The following MAP4K5 variants were observed in gnomAD, a reference collection of about 807,000 sequenced individuals.
The protein encoded by MAP4K5 is mitogen-activated protein kinase kinase kinase kinase 5, also known as MAPK/ERK kinase kinase kinase 5.
In MAP4K5, 82 loss-of-function variants were observed where a neutral mutation model predicts 135.6. That is an observed-to-expected ratio of 0.60 (90% confidence interval 0.51 to 0.73). The LOEUF (loss-of-function observed/expected upper bound fraction) is 0.73. Ranked by LOEUF, MAP4K5 falls within the 30% of genes least tolerant of loss-of-function variation. MAP4K5 has a pLI of 0.00. For missense variants in MAP4K5, 907 were observed against 1,010.9 expected (o/e 0.90, Z 1.39); for synonymous variants, 347 against 335.0 (o/e 1.04, Z -0.39).
chr14:50,529,312 G>A (rs879590082), intron 2 of MAP4K5, among the ~76,000 whole-genome samples: 6 of 152,094 alleles, frequency 3.9e-5, no homozygotes, highest in African/African-American at 7.2e-5. Flanking sequence ...ACTTCAGCCC[G>A]GGAGGTTGAG....
At chr14:50,437,234 G>A (rs1321759535) in intron 26 of MAP4K5, among the ~76,000 whole-genome samples, 1 of 152,118 alleles carries the variant, frequency 6.6e-6, no homozygotes, top group Non-Finnish European at 1.5e-5. Context: ...TACAGCCTCA[G>A]GGACTATGGT....
chr14:50,451,942 C>T (rs989861586), intron 14 of MAP4K5, among the ~76,000 whole-genome samples: 3 of 152,102 alleles, frequency 2.0e-5, no homozygotes, highest in Non-Finnish European at 4.4e-5. Context: ...AGTTTTCTGA[C>T]TTTCTCGTGG....
At chr14:50,510,225 T>G (rs967903074) in intron 2 of MAP4K5, among the ~76,000 whole-genome samples, 1 of 152,212 alleles carries the variant, frequency 6.6e-6, no homozygotes, top group African/African-American at 2.4e-5. Flanking sequence ...TCTAATATGC[T>G]TCTCTGAGAG....
At chr14:50,560,650 G>A (rs969686144) in intron 1 of MAP4K5, 5 of 343,374 alleles carry the variant, frequency 1.5e-5, no homozygotes, top group African/African-American at 1.1e-4. Flanking sequence ...GAAGGCTATG[G>A]GGGTGGGCAG....
chr14:50,462,997 A>G (rs950192190), intron 12 of MAP4K5, among the ~76,000 whole-genome samples: 1 of 152,198 alleles, frequency 6.6e-6, no homozygotes, highest in African/African-American at 2.4e-5. Flanking sequence ...TTTAGAAAGC[A>G]ATTTCTTTTT....
intron 2 of MAP4K5, among the ~76,000 whole-genome samples, chr14:50,516,614 A>T (rs946953651): frequency 4.6e-5 from 7 of 152,234 alleles, no homozygotes; most frequent in African/African-American, 1.7e-4. Context: ...CTGGAATCTC[A>T]GTTTGCAGGA....
intron 2 of MAP4K5, among the ~76,000 whole-genome samples, chr14:50,507,787 A>G (rs951029245): frequency 6.6e-6 from 1 of 152,172 alleles, no homozygotes; most frequent in Admixed American, 6.5e-5. Context: ...CAGTTTTGGA[A>G]TAAGTGCGAT....
At chr14:50,424,123 C>T (rs561692719) in intron 31 of MAP4K5, among the ~76,000 whole-genome samples, 5 of 149,670 alleles carry the variant, frequency 3.3e-5, no homozygotes, top group Non-Finnish European at 7.4e-5. Flanking sequence ...TTAGGGTCTA[C>T]TTTTAGAGGA....
At chr14:50,549,307 G>C (rs1157911123) in intron 1 of MAP4K5, among the ~76,000 whole-genome samples, 1 of 152,112 alleles carries the variant, frequency 6.6e-6, no homozygotes, top group Admixed American at 6.5e-5. Flanking sequence ...GCAGCCACAG[G>C]GTGGGCCACA....
intron 3 of MAP4K5, among the ~76,000 whole-genome samples, chr14:50,497,529 C>G (rs1008065058): frequency 5.3e-5 from 8 of 152,192 alleles, no homozygotes; most frequent in Non-Finnish European, 1.2e-4. Context: ...TTTGGCCAAA[C>G]AGCCTACCCT....
intron 2 of MAP4K5, among the ~76,000 whole-genome samples, chr14:50,505,993 G>A (rs1289144871): frequency 1.3e-5 from 2 of 152,134 alleles, no homozygotes; most frequent in East Asian, 3.8e-4. Context: ...GTTAATGTGA[G>A]TGCTCATTTT....
At chr14:50,427,249 G>C (rs1252177651) in intron 30 of MAP4K5, among the ~76,000 whole-genome samples, 1 of 152,172 alleles carries the variant, frequency 6.6e-6, no homozygotes, top group East Asian at 1.9e-4. Context: ...TTCAATGAAA[G>C]TGAAGAGGAA....
chr14:50,537,147 CA>C (rs2038503804), upstream of MAP4K5, among the ~76,000 whole-genome samples: 1 of 152,186 alleles, frequency 6.6e-6, no homozygotes, highest in South Asian at 2.1e-4. Context: ...GTGCTGTGTG[CA>C]GCCTAGAGAC....
chr14:50,443,876 T>G (rs958072133), intron 19 of MAP4K5, 63 bp downstream of exon 19: 1 of 1,465,538 alleles, frequency 6.8e-7, no homozygotes, highest in Non-Finnish European at 9.4e-7. Context: ...AAACAGACTA[T>G]GCCCCTTGCA....
intron 14 of MAP4K5, among the ~76,000 whole-genome samples, chr14:50,454,549 A>G (rs764841280): frequency 1.1e-4 from 17 of 152,108 alleles, no homozygotes; most frequent in Non-Finnish European, 1.8e-4. Flanking sequence ...TGATAAATAC[A>G]AAAGAAGTTT....
At chr14:50,479,628 T>A (rs2037192811) in intron 6 of MAP4K5, among the ~76,000 whole-genome samples, 1 of 152,182 alleles carries the variant, frequency 6.6e-6, no homozygotes, top group South Asian at 2.1e-4. Flanking sequence ...ATAACTGTTT[T>A]AATGTTTTTG....
Position 50,448,832 on chromosome 14 carries a change from A to G in MAP4K5, c.1016T>C (p.Phe339Ser). The change falls in exon 15 of 33, where the codon TTT (phenylalanine) becomes TCT (serine). Residue 339 changes from phenylalanine (F) to serine (S), a missense_variant and splice_region_variant. Physicochemically the swap from Phe to Ser is radical, Grantham distance 155 (BLOSUM62 -2). This residue lies in a region of MAP4K5 where 690 missense variants were observed against 777.4 expected (regional missense o/e 0.89). Coordinates refer to ENST00000682126, the MANE Select transcript of MAP4K5 (RefSeq NM_006575.6). Reference protein sequence around the residue: ...RAERTASEINFDKLQFEPPLR... With the variant: ...RAERTASEINSDKLQFEPPLR... Reference sequence around the variant, plus strand: ...AGGAGGTTCAAATTGTAATTTGTCAACTGCAAAATATATAACAGGTATGTA... The same window carrying G: ...AGGAGGTTCAAATTGTAATTTGTCAGCTGCAAAATATATAACAGGTATGTA... 1 of 1,503,800 alleles carries G rather than the reference A, an allele frequency of 6.6e-7. No homozygotes were observed. The highest frequency in any genetic ancestry group is 9.1e-7 in the Non-Finnish European group (1 of 1,098,582). The allele number at this position is 1,503,800 out of a possible 1,614,324, so 93.2% of individuals were successfully genotyped here. A position where few individuals can be genotyped will look rare whatever the true frequency, so the allele number is the denominator to read the frequency against.
chr14:50,432,996 C>T (rs1033613085), intron 28 of MAP4K5, among the ~76,000 whole-genome samples: 1 of 152,098 alleles, frequency 6.6e-6, no homozygotes, highest in African/African-American at 2.4e-5. Flanking sequence ...CACCACCACG[C>T]CCGGCTAAGT....
At chr14:50,526,891 G>A (rs762357977) in intron 2 of MAP4K5, among the ~76,000 whole-genome samples, 15 of 152,052 alleles carry the variant, frequency 9.9e-5, no homozygotes, top group Non-Finnish European at 2.1e-4. Flanking sequence ...AGCATCCAGA[G>A]GAACCCACGT....
Sources: gnomAD v4.1 joint callset for allele counts (sites outside exome capture counted in the v4.1 genomes callset) on GRCh38, gnomAD v4.1.1 for gene constraint, gnomAD v4.1.1 regional missense constraint, MANE v1.5 for transcripts, NCBI Gene and HGNC (gene_info 2026-07-23, HGNC 2026-07-21) for gene names.